Variants in TAFA2 observed in about 807,000 individuals in gnomAD.
TAFA2 encodes TAFA chemokine like family member 2, also known as chemokine-like protein TAFA-2.
A neutral mutation model predicts 18.8 loss-of-function variants in TAFA2; 7 were observed. That is an observed-to-expected ratio of 0.37 (90% CI 0.21 to 0.70). The LOEUF (loss-of-function observed/expected upper bound fraction) is 0.70. Ranked by LOEUF, TAFA2 falls within the 30% of genes least tolerant of loss-of-function variation. The probability of loss-of-function intolerance (pLI) is 0.53; values close to 1 mark genes in which losing one functional copy is unlikely to be tolerated. For synonymous variants in TAFA2, 60 were observed against 54.2 expected, an observed-to-expected ratio of 1.11 and a Z score of -0.47; for missense variants, 122 against 158.1, an observed-to-expected ratio of 0.77 and a Z score of 1.23.
intron 1 of TAFA2, among the ~76,000 whole-genome samples, chr12:62,179,892 C>A (rs1174930609): frequency 2.6e-5 from 4 of 152,188 alleles, no homozygotes; most frequent in African/African-American, 9.6e-5. Flanking sequence ...GCCAGTTATT[C>A]AGTCTGCTTT....
At chr12:61,731,386 C>G (rs1870443211) in intron 4 of TAFA2, among the ~76,000 whole-genome samples, 1 of 152,108 alleles carries the variant, frequency 6.6e-6, no homozygotes, top group East Asian at 1.9e-4. Flanking sequence ...ACACGCTGTT[C>G]TGTGTGTCCA....
At chr12:62,133,385 C>T (rs1463082380) in intron 1 of TAFA2, among the ~76,000 whole-genome samples, 1 of 151,896 alleles carries the variant, frequency 6.6e-6, no homozygotes, top group Non-Finnish European at 1.5e-5. Flanking sequence ...GAGCACAAAG[C>T]TCAGGACTTA....
chr12:61,911,823 G>C (rs1876624881), intron 1 of TAFA2, among the ~76,000 whole-genome samples: 1 of 152,126 alleles, frequency 6.6e-6, no homozygotes, highest in East Asian at 1.9e-4. Flanking sequence ...CAGGAAACAA[G>C]AATCAAGGGT....
chr12:61,770,570 G>A (rs570300127), intron 2 of TAFA2, among the ~76,000 whole-genome samples: 1 of 152,186 alleles, frequency 6.6e-6, no homozygotes, highest in African/African-American at 2.4e-5. Context: ...AGAAGGGATT[G>A]GGGTCCTATC....
At chr12:61,771,297 C>G (rs2120843197) in intron 2 of TAFA2, among the ~76,000 whole-genome samples, 1 of 152,040 alleles carries the variant, frequency 6.6e-6, no homozygotes, top group Non-Finnish European at 1.5e-5. Context: ...CTTCAATACT[C>G]CACTGACAGC....
chr12:62,013,573 G>T (rs1282732724), intron 1 of TAFA2, among the ~76,000 whole-genome samples: 1 of 152,136 alleles, frequency 6.6e-6, no homozygotes, highest in African/African-American at 2.4e-5. Context: ...GGCTCTGTTG[G>T]AGTTACTCTA....
chr12:62,180,643 G>C (rs527423251), intron 1 of TAFA2, among the ~76,000 whole-genome samples: 1 of 152,202 alleles, frequency 6.6e-6, no homozygotes, highest in Admixed American at 6.5e-5. Context: ...CAAGAATTTA[G>C]AAGCCTTACT....
At chr12:62,090,807 T>C (rs1868679984) in intron 1 of TAFA2, among the ~76,000 whole-genome samples, 3 of 152,070 alleles carry the variant, frequency 2.0e-5, no homozygotes, top group Admixed American at 2.0e-4. Flanking sequence ...CTCTCTTCTT[T>C]GGTTGTTCAG....
intron 1 of TAFA2, among the ~76,000 whole-genome samples, chr12:62,049,153 G>C (rs1440489179): frequency 6.6e-6 from 1 of 152,148 alleles, no homozygotes; most frequent in Non-Finnish European, 1.5e-5. Context: ...AGGGAGGTGG[G>C]TATGGATTTA....
chr12:62,008,173 G>T (rs1880618725), intron 1 of TAFA2, among the ~76,000 whole-genome samples: 1 of 152,076 alleles, frequency 6.6e-6, no homozygotes, highest in African/African-American at 2.4e-5. Context: ...ATGAATTTGG[G>T]AACACCATGA....
chr12:62,096,294 A>C (rs1378584001), intron 1 of TAFA2, among the ~76,000 whole-genome samples: 1 of 152,154 alleles, frequency 6.6e-6, no homozygotes, highest in Non-Finnish European at 1.5e-5. Flanking sequence ...ATCACTGATA[A>C]TAAAAACACT....
chr12:61,824,811 G>T (rs145136739), intron 2 of TAFA2, among the ~76,000 whole-genome samples: 336 of 152,238 alleles, frequency 2.2e-3, no homozygotes, highest in African/African-American at 7.2e-3. Flanking sequence ...CATGGTTACT[G>T]CCCCAAGAAA....
At chr12:61,947,607 T>C (rs938474568) in intron 1 of TAFA2, among the ~76,000 whole-genome samples, 1 of 148,858 alleles carries the variant, frequency 6.7e-6, no homozygotes, top group African/African-American at 2.5e-5. Flanking sequence ...GTCAGTTTGT[T>C]GAAAAGCCCA....
intron 1 of TAFA2, among the ~76,000 whole-genome samples, chr12:62,029,918 T>C (rs902896075): frequency 1.3e-5 from 2 of 151,862 alleles, no homozygotes; most frequent in African/African-American, 2.4e-5. Context: ...ATAGCAACAT[T>C]ACCACAGCAA....
intron 1 of TAFA2, among the ~76,000 whole-genome samples, chr12:62,144,438 T>C (rs2136911310): frequency 1.3e-5 from 2 of 151,870 alleles, no homozygotes; most frequent in African/African-American, 4.8e-5. Context: ...CATGAAGGAA[T>C]GATTCTATCC....
intron 1 of TAFA2, among the ~76,000 whole-genome samples, chr12:62,002,933 C>G (rs757456459): frequency 1.3e-5 from 2 of 152,162 alleles, no homozygotes; most frequent in Non-Finnish European, 2.9e-5. Flanking sequence ...TCTTGCAAAG[C>G]ATTAATTCTA....
intron 2 of TAFA2, among the ~76,000 whole-genome samples, chr12:61,761,646 AT>A (rs1565625086): frequency 8.5e-5 from 13 of 152,104 alleles, no homozygotes; most frequent in Non-Finnish European, 1.6e-4. Flanking sequence ...CAAGGAAACT[AT>A]ACCTCCAATT....
intron 2 of TAFA2, among the ~76,000 whole-genome samples, chr12:61,805,528 C>T (rs531512353): frequency 6.6e-6 from 1 of 152,104 alleles, no homozygotes; most frequent in African/African-American, 2.4e-5. Context: ...TTGTCCATTG[C>T]CCAAATGTTA....
At position 62,131,509 on chromosome 12, in the gene TAFA2, A is replaced by G. The variant is rs1390197564; in HGVS notation, c.-2+59750T>C. On this transcript the variant is annotated intron_variant, in intron 1 of 4. Transcript: ENST00000416284. ...TAATTATCTTTGAAAAATGTTTTCAATTGTGCTCCTGCAACACTCCAGATT... is the reference window on the plus strand; with the variant it reads ...TAATTATCTTTGAAAAATGTTTTCAGTTGTGCTCCTGCAACACTCCAGATT... 6.6e-5 allele frequency among the ~76,000 whole-genome samples: 10 copies of G among 152,164 alleles called. No individual in the cohort carries two copies. In the South Asian group the frequency reaches 1.9e-3, roughly 28 times the overall value.
Sources: allele counts gnomAD v4.1 joint callset (sites outside exome capture counted in the v4.1 genomes callset), GRCh38; gene constraint gnomAD v4.1.1; transcripts MANE v1.5; gene names NCBI Gene and HGNC (gene_info 2026-07-23, HGNC 2026-07-21).